The following TTC29 variants were observed in gnomAD, a reference collection of about 807,000 sequenced individuals.
TTC29 encodes tetratricopeptide repeat domain 29.
In TTC29, 49 loss-of-function variants were observed where a neutral mutation model predicts 58.1. The ratio of observed to expected loss-of-function variants is 0.84; its 90% CI spans 0.67 to 1.07. TTC29 has a LOEUF of 1.07. Ranked by LOEUF, TTC29 falls within the 50% of genes least tolerant of loss-of-function variation. The pLI is 0.00. For missense variants in TTC29, 582 were observed against 555.6 expected (o/e 1.05, Z -0.48); for synonymous variants, 209 against 196.8 (o/e 1.06, Z -0.52).
chr4:146,867,727 TG>T, intron 7 of TTC29, 144 bp from the exon 8 acceptor site: 1 of 449,362 alleles, frequency 2.2e-6, no homozygotes, highest in South Asian at 5.1e-5. Flanking sequence ...AGCTATATAC[TG>T]AAAAAAAAAG....
chr4:146,725,449 T>C (rs2150010933), intron 11 of TTC29, among the ~76,000 whole-genome samples: 1 of 152,240 alleles, frequency 6.6e-6, no homozygotes, highest in South Asian at 2.1e-4. Flanking sequence ...GGTGGGAAGA[T>C]TGCTTGAGCC....
At position 146,728,794 on chromosome 4, in the gene TTC29, CGT is replaced by C. The variant is rs1561066282; in HGVS notation, c.1331-21245_1331-21244del. ...ATACACATATATATGTGTATATATACGTATATATACACATATATATGTGTATA... is the reference window on the plus strand; with the variant it reads ...ATACACATATATATGTGTATATATACATATATACACATATATATGTGTATA... On this transcript the variant is annotated intron_variant, in intron 11 of 12. Transcript: ENST00000325106. Among the ~76,000 whole-genome samples, 26 of 119,848 alleles carry C rather than the reference CGT, an allele frequency of 2.2e-4. 1 individual carries two copies. Among genetic ancestry groups the C allele is most frequent in the Admixed American group, 6.8e-4 (8 of 11,756 alleles). 78.6% of individuals were successfully genotyped at this position (119,848 alleles called of 152,430 possible).
intron 4 of TTC29, among the ~76,000 whole-genome samples, chr4:146,914,685 G>T (rs1029185974): frequency 7.9e-5 from 12 of 152,152 alleles, no homozygotes; most frequent in Non-Finnish European, 1.5e-4. Flanking sequence ...AAGGGATGCA[G>T]CTTGAGAATG....
At chr4:146,833,777 G>A (rs1273838895) in intron 9 of TTC29, 29 bp downstream of exon 9, 1 of 1,563,746 alleles carries the variant, frequency 6.4e-7, no homozygotes, top group East Asian at 2.2e-5. Context: ...AATTCACAGT[G>A]ACAGCAAGAT....
chr4:146,753,378 C>T (rs1223244237), intron 11 of TTC29, among the ~76,000 whole-genome samples: 2 of 152,074 alleles, frequency 1.3e-5, no homozygotes, highest in Admixed American at 6.5e-5. Flanking sequence ...GTTAGAATGA[C>T]GATCATTAAA....
chr4:146,774,596 T>C (rs535378597), intron 11 of TTC29, among the ~76,000 whole-genome samples: 1 of 152,264 alleles, frequency 6.6e-6, no homozygotes, highest in South Asian at 2.1e-4. Context: ...CTTGGCATGA[T>C]TTCTGTTTTT....
intron 11 of TTC29, among the ~76,000 whole-genome samples, chr4:146,737,621 C>G (rs1221549839): frequency 7.1e-6 from 1 of 141,436 alleles, no homozygotes; most frequent in Non-Finnish European, 1.5e-5. Context: ...CGGGTCTTGA[C>G]AGGAATAGCC....
At chr4:146,945,374 A>G (rs1270065129) in intron 1 of TTC29, 1 of 152,228 alleles carries the variant, frequency 6.6e-6, no homozygotes, top group Non-Finnish European at 1.5e-5. Context: ...TTTACGAGAT[A>G]CAGTTATCTT....
In TTC29 at chr4:146,805,450, A is replaced by G. The variant is rs77179903; in HGVS notation, c.1102-1765T>C. On this transcript the variant is annotated intron_variant, in intron 10 of 12. Coordinates refer to ENST00000325106, the MANE Select transcript of TTC29 (RefSeq NM_031956.4). ...ATAAAAAATCCCTCCGAGCTAGAGG[A>G]CCATGTTCTAACCCAATTCAAGGAA... 4.0e-3 allele frequency among the ~76,000 whole-genome samples: 604 copies of G among 152,240 alleles called. 16 individuals are homozygous for G. The highest frequency in any genetic ancestry group is 0.033 in the Admixed American group (509 of 15,290).
chr4:146,829,691 A>T (rs1728035686), intron 9 of TTC29, among the ~76,000 whole-genome samples: 1 of 152,194 alleles, frequency 6.6e-6, no homozygotes. Flanking sequence ...CAGCTATAAC[A>T]GAAAGGTAAT....
chr4:146,851,819 T>C (rs532601705), intron 8 of TTC29, among the ~76,000 whole-genome samples: 1 of 152,314 alleles, frequency 6.6e-6, no homozygotes, highest in Admixed American at 6.5e-5. Context: ...TATCCCATTA[T>C]CTATAATAAT....
chr4:146,882,752 G>A (rs770813416), intron 6 of TTC29, among the ~76,000 whole-genome samples: 12 of 152,080 alleles, frequency 7.9e-5, no homozygotes, highest in East Asian at 7.7e-4. Flanking sequence ...AGATGGTGAC[G>A]AGGAGAGTGA....
chr4:146,836,428 A>C (rs1728514305), intron 8 of TTC29, among the ~76,000 whole-genome samples: 1 of 152,158 alleles, frequency 6.6e-6, no homozygotes, highest in Non-Finnish European at 1.5e-5. Flanking sequence ...TAAATCAAAG[A>C]CACACCCTCT....
In TTC29 at chr4:146,923,535, C is replaced by T. The variant is rs533625480; in HGVS notation, c.176+14059G>A. On this transcript the variant is annotated intron_variant, in intron 4 of 12. Coordinates refer to ENST00000325106, the MANE Select transcript of TTC29 (RefSeq NM_031956.4). The stretch of plus-strand genomic sequence containing the variant: ...AAAAAAAGTTTCTTTATCTTGGTAA[C>T]GTGTATCTATTAAAAAACCTATGGC... Among the ~76,000 whole-genome samples the T allele has an allele frequency of 6.7e-4, 101 of 151,672 alleles. 1 individual carries two copies. The highest frequency in any genetic ancestry group is 2.6e-3 in the Admixed American group (40 of 15,174).
intron 4 of TTC29, among the ~76,000 whole-genome samples, chr4:146,912,107 A>G (rs1227923392): frequency 7.6e-6 from 1 of 131,286 alleles, no homozygotes; most frequent in Non-Finnish European, 1.5e-5. Flanking sequence ...TGATAAGCTA[A>G]AAAAAAAATC....
chr4:146,885,679 T>C (rs1227141261), intron 6 of TTC29, among the ~76,000 whole-genome samples: 1 of 152,122 alleles, frequency 6.6e-6, no homozygotes, highest in Non-Finnish European at 1.5e-5. Flanking sequence ...GCAAATTTTA[T>C]GATTGCTAGG....
intron 6 of TTC29, among the ~76,000 whole-genome samples, chr4:146,882,128 TA>T (rs1731670929): frequency 6.6e-6 from 1 of 152,118 alleles, no homozygotes; most frequent in Non-Finnish European, 1.5e-5. Context: ...TTCATTTTTT[TA>T]AATCCAGAAA....
chr4:146,926,295 T>C (rs957510098), intron 4 of TTC29, among the ~76,000 whole-genome samples: 1 of 152,182 alleles, frequency 6.6e-6, no homozygotes, highest in Non-Finnish European at 1.5e-5. Context: ...ATGAGAATTC[T>C]GTAGTCCTTC....
chr4:146,716,692 A>G (rs546188514), intron 11 of TTC29, among the ~76,000 whole-genome samples: 14 of 152,322 alleles, frequency 9.2e-5, no homozygotes, highest in African/African-American at 3.4e-4. Flanking sequence ...ATATAGTATT[A>G]TAAGATGAGT....
Sources: gnomAD v4.1 joint callset for allele counts (sites outside exome capture counted in the v4.1 genomes callset) on GRCh38, gnomAD v4.1.1 for gene constraint, MANE v1.5 for transcripts, NCBI Gene and HGNC (gene_info 2026-07-23, HGNC 2026-07-21) for gene names.